The following PLEKHG1 variants were observed in gnomAD, a reference collection of about 807,000 sequenced individuals.
PLEKHG1 encodes the protein pleckstrin homology and RhoGEF domain containing G1.
PLEKHG1 carries 44 observed loss-of-function variants against 100.8 expected under a neutral mutation model. The ratio of observed to expected loss-of-function variants is 0.44; its 90% CI spans 0.34 to 0.56. PLEKHG1 has a LOEUF of 0.56. Among genes scored for constraint, PLEKHG1 ranks in the 20% least tolerant of loss-of-function variants. The pLI is 0.01. For synonymous variants in PLEKHG1, 640 were observed against 662.5 expected (o/e 0.97, Z 0.52); for missense variants, 1,545 against 1,720.9 (o/e 0.90, Z 1.81).
At chr6:150,777,222 CAT>C (rs1268725328) in intron 3 of PLEKHG1, among the ~76,000 whole-genome samples, 1 of 149,714 alleles carries the variant, frequency 6.7e-6, no homozygotes, top group Non-Finnish European at 1.5e-5. Context: ...TCCTGGTGCA[CAT>C]GTGTGGTTGC....
At chr6:150,647,326 T>G (rs1293354777) in intron 2 of PLEKHG1, among the ~76,000 whole-genome samples, 1 of 152,202 alleles carries the variant, frequency 6.6e-6, no homozygotes, top group African/African-American at 2.4e-5. Context: ...TCTGGAATAA[T>G]ACAGTTGATC....
intron 2 of PLEKHG1, among the ~76,000 whole-genome samples, chr6:150,646,316 C>T (rs575729783): frequency 2.0e-5 from 3 of 152,062 alleles, no homozygotes; most frequent in South Asian, 2.1e-4. Flanking sequence ...AATTAGGTCT[C>T]GGTGGCCCTG....
chr6:150,612,997 G>A (rs1776915677), intron 1 of PLEKHG1, among the ~76,000 whole-genome samples: 1 of 152,164 alleles, frequency 6.6e-6, no homozygotes, highest in African/African-American at 2.4e-5. Context: ...TCAGAAGCAA[G>A]TCCATGGGGT....
In PLEKHG1 at chr6:150,786,687, G is replaced by C. The variant is rs186993853; in HGVS notation, c.582+228G>C. Among the ~76,000 whole-genome samples the C allele has an allele frequency of 3.3e-5, 5 of 152,148 alleles. No homozygotes were observed. In the East Asian group the frequency reaches 7.7e-4, roughly 23 times the overall value. ...CAGTAACTGAATAATGTTACTCTTTGCTGGGAAAAACTTAAAGCTTGGGAG... is the reference window on the plus strand; with the variant it reads ...CAGTAACTGAATAATGTTACTCTTTCCTGGGAAAAACTTAAAGCTTGGGAG... On this transcript the variant is annotated intron_variant, in intron 4 of 15. Transcript: ENST00000358517.
intron 3 of PLEKHG1, among the ~76,000 whole-genome samples, chr6:150,777,106 TCAG>T: frequency 6.7e-6 from 1 of 148,908 alleles, no homozygotes; most frequent in African/African-American, 2.5e-5. Context: ...CGGTTGCACA[TCAG>T]TCACACTGAT....
chr6:150,671,503 G>A (rs1779580323), intron 3 of PLEKHG1, among the ~76,000 whole-genome samples: 1 of 152,204 alleles, frequency 6.6e-6, no homozygotes, highest in South Asian at 2.1e-4. Flanking sequence ...AATTGGTCAA[G>A]TCAGAAATCA....
intron 2 of PLEKHG1, among the ~76,000 whole-genome samples, chr6:150,762,590 T>C (rs954513262): frequency 6.6e-6 from 1 of 152,088 alleles, no homozygotes; most frequent in Non-Finnish European, 1.5e-5. Flanking sequence ...TCCTTCTACA[T>C]TGGATTTTCA....
intron 3 of PLEKHG1, among the ~76,000 whole-genome samples, chr6:150,704,903 GA>G (rs1780942937): frequency 1.3e-5 from 2 of 152,180 alleles, no homozygotes; most frequent in Non-Finnish European, 2.9e-5. Context: ...TTTGCATAGA[GA>G]GAGAGCAAGA....
rs569232382 is a variant in PLEKHG1 at position 150,804,597 on chromosome 6, T to C, written c.781-13T>C. Reference sequence around the variant, plus strand: ...ATGAAAAAAAAAAAAACCCTCGTTCTTTTTTGTTTAAGGAAATAGAAAACC... The same window carrying C: ...ATGAAAAAAAAAAAAACCCTCGTTCCTTTTTGTTTAAGGAAATAGAAAACC... On this transcript the variant is annotated splice_polypyrimidine_tract_variant and intron_variant, in intron 6 of 15. Transcript: ENST00000358517. 3.2e-6 allele frequency: 5 copies of C among 1,569,064 alleles called. No homozygotes were observed. The South Asian group carries it at 6.0e-5, about 19-fold the overall frequency.
intron 14 of PLEKHG1, chr6:150,827,583 C>T: frequency 1.5e-6 from 1 of 685,040 alleles, no homozygotes; most frequent in South Asian, 1.6e-5. Context: ...GCCAAAACTG[C>T]TATTTTCATT....
chr6:150,803,266 C>T (rs1007403072), intron 6 of PLEKHG1, among the ~76,000 whole-genome samples: 1 of 152,140 alleles, frequency 6.6e-6, no homozygotes, highest in East Asian at 1.9e-4. Context: ...AACATTTAAC[C>T]TCCACCCGTT....
chr6:150,656,716 G>T (rs1271388296), intron 3 of PLEKHG1, among the ~76,000 whole-genome samples: 7 of 152,140 alleles, frequency 4.6e-5, no homozygotes, highest in African/African-American at 1.7e-4. Flanking sequence ...AAGATAGTTT[G>T]GTAAATGCAG....
In PLEKHG1 at chr6:150,818,174, C is replaced by G. The variant is rs1230107036; in HGVS notation, c.1279-9C>G. ...AATTGGAATTACAGCTCTACTTTCT[C>G]TCTTTCAGGCCAAGCAAGCAATCCT... On this transcript the variant is annotated splice_polypyrimidine_tract_variant and intron_variant, in intron 10 of 15. Coordinates refer to ENST00000358517, the Ensembl canonical transcript of PLEKHG1. The G allele has an allele frequency of 2.5e-6, 4 of 1,606,692 alleles. No individual in the cohort carries two copies. The highest frequency in any genetic ancestry group is 1.7e-5 in the Admixed American group (1 of 59,794).
chr6:150,754,670 T>C (rs1203858057), intron 2 of PLEKHG1, among the ~76,000 whole-genome samples: 1 of 123,832 alleles, frequency 8.1e-6, no homozygotes, highest in Non-Finnish European at 1.7e-5. Context: ...ACTTTCTTTC[T>C]TTTTTTTTTT....
At chr6:150,753,617 G>A (rs1004517848) in intron 2 of PLEKHG1, among the ~76,000 whole-genome samples, 1 of 152,190 alleles carries the variant, frequency 6.6e-6, no homozygotes, top group Non-Finnish European at 1.5e-5. Flanking sequence ...TTATGGCCTC[G>A]TAAATGCTGT....
chr6:150,751,057 T>C (rs906297465), intron 2 of PLEKHG1, among the ~76,000 whole-genome samples: 1 of 152,214 alleles, frequency 6.6e-6, no homozygotes, highest in Non-Finnish European at 1.5e-5. Context: ...ATGAGAGATA[T>C]TCATATAATA....
At position 150,658,398 on chromosome 6, in the gene PLEKHG1, G is replaced by A. The variant is rs114856740; in HGVS notation, c.-99+7612G>A. Among the ~76,000 whole-genome samples, 1,027 of 152,176 alleles carry A rather than the reference G, an allele frequency of 6.7e-3. 11 individuals are homozygous for A. Among genetic ancestry groups the A allele is most frequent in the African/African-American group, 0.023 (954 of 41,508 alleles). ...TTCTTTGTCTTAAAAAAAAATGTGA[G>A]GCCTGGCTTCTTATAGTGTTGTAAC... On this transcript the variant is annotated intron_variant, in intron 3 of 3. Coordinates refer to the PLEKHG1 transcript ENST00000367326.
chr6:150,646,605 G>C (rs560786697), intron 2 of PLEKHG1, among the ~76,000 whole-genome samples: 7 of 152,200 alleles, frequency 4.6e-5, no homozygotes, highest in Admixed American at 3.3e-4. Flanking sequence ...AAATGAAACA[G>C]CTCAAAGAAG....
At position 150,600,541 on chromosome 6, in the gene PLEKHG1, G is replaced by T. The variant is rs923232186; in HGVS notation, c.-204+524G>T. On this transcript the variant is annotated intron_variant, in intron 1 of 3. Coordinates refer to the PLEKHG1 transcript ENST00000367326. This position sits in a 1 kb window ranked among gnomAD's most constrained non-coding sequence, Gnocchi z 6.2. ...GACCCGGGGACGCGCGGTGGGGGCG[G>T]CGGCCGAGCTGCTGCGGCGCTCAGG... is the stretch of plus-strand genomic sequence containing the variant. Among the ~76,000 whole-genome samples, 1 of 152,336 alleles carries T rather than the reference G, an allele frequency of 6.6e-6. No homozygotes were observed. The highest frequency in any genetic ancestry group is 2.4e-5 in the African/African-American group (1 of 41,586).
Sources: gnomAD v4.1 joint callset for allele counts (sites outside exome capture counted in the v4.1 genomes callset) on GRCh38, gnomAD v4.1.1 for gene constraint, Gnocchi (gnomAD v3.1) non-coding constraint, MANE v1.5 for transcripts, NCBI Gene and HGNC (gene_info 2026-07-23, HGNC 2026-07-21) for gene names.